The following KLHL6 variants were observed in gnomAD, a reference collection of about 807,000 sequenced individuals.
The protein encoded by KLHL6 is kelch like family member 6, also known as kelch-like protein 6.
Under a neutral mutation model 58.6 loss-of-function variants are expected in KLHL6, and 41 were observed. The ratio of observed to expected loss-of-function variants is 0.70; its 90% CI spans 0.55 to 0.91. The LOEUF (loss-of-function observed/expected upper bound fraction) is 0.91. Ranked by LOEUF, KLHL6 falls within the 40% of genes least tolerant of loss-of-function variation. The pLI is 0.00. For synonymous variants in KLHL6, 338 were observed against 322.7 expected (o/e 1.05, Z -0.51); for missense variants, 714 against 805.6 (o/e 0.89, Z 1.38).
At chr3:183,503,980 C>T (rs1425190411) in intron 3 of KLHL6, among the ~76,000 whole-genome samples, 1 of 152,068 alleles carries the variant, frequency 6.6e-6, no homozygotes, top group Non-Finnish European at 1.5e-5. Flanking sequence ...CAATGAGACC[C>T]CAATTAGGAG....
chr3:183,529,342 C>T (rs1388686603), intron 1 of KLHL6, among the ~76,000 whole-genome samples: 1 of 151,290 alleles, frequency 6.6e-6, no homozygotes. Flanking sequence ...TTTTTTACCC[C>T]ATGCCAGGCC....
chr3:183,539,714 AAAAAAAC>A (rs1712488829), intron 1 of KLHL6, among the ~76,000 whole-genome samples: 1 of 151,562 alleles, frequency 6.6e-6, no homozygotes, highest in Admixed American at 6.6e-5. Context: ...ATCTCAAAAA[AAAAAAAC>A]AAAAAAACAA....
At chr3:183,525,269 A>AACACACACACACACACACAC (rs1553811030) in intron 2 of KLHL6, among the ~76,000 whole-genome samples, 52 of 133,864 alleles carry the variant, frequency 3.9e-4, no homozygotes, top group African/African-American at 1.3e-3. Context: ...CTAAAAAAAA[A>AACACACACACACACACACAC]ACACACACAC....
intron 2 of KLHL6, among the ~76,000 whole-genome samples, chr3:183,512,248 G>A (rs571543446): frequency 7.2e-5 from 11 of 152,272 alleles, no homozygotes; most frequent in South Asian, 2.1e-4. Flanking sequence ...CAGCGTTTGC[G>A]TGAGGGGAAG....
At chr3:183,519,275 A>G (rs1433916504) in intron 2 of KLHL6, among the ~76,000 whole-genome samples, 2 of 152,164 alleles carry the variant, frequency 1.3e-5, no homozygotes, top group African/African-American at 4.8e-5. Context: ...ATGCAAAGTG[A>G]CCTGCAAGGA....
intron 1 of KLHL6, among the ~76,000 whole-genome samples, chr3:183,534,102 T>TTTAAAAGTACTTTACTTTTAAAGTACG (rs1712264121): frequency 7.1e-6 from 1 of 141,124 alleles, no homozygotes; most frequent in African/African-American, 2.8e-5. Flanking sequence ...TTTAAAGTAC[T>TTTAAAAGTACTTTACTTTTAAAGTACG]TTAAAAGTAC....
At chr3:183,531,565 G>C (rs911650090) in intron 1 of KLHL6, among the ~76,000 whole-genome samples, 1 of 145,914 alleles carries the variant, frequency 6.9e-6, no homozygotes, top group East Asian at 2.1e-4. Context: ...TTCTCCTCCA[G>C]CCTCCCAAGT....
At chr3:183,528,303 G>A (rs908256531) in intron 1 of KLHL6, among the ~76,000 whole-genome samples, 1 of 152,122 alleles carries the variant, frequency 6.6e-6, no homozygotes. Flanking sequence ...TTCATCTGAG[G>A]GCATTGTGGA....
At chr3:183,534,103 T>A (rs1712263743) in intron 1 of KLHL6, among the ~76,000 whole-genome samples, 1 of 139,636 alleles carries the variant, frequency 7.2e-6, no homozygotes. Flanking sequence ...TTAAAGTACT[T>A]TAAAAGTACT....
chr3:183,527,820 G>A (rs763081867), intron 2 of KLHL6, 25 bp downstream of exon 2: 4 of 1,612,054 alleles, frequency 2.5e-6, no homozygotes, highest in African/African-American at 1.3e-5. Flanking sequence ...TCAGAGAAGA[G>A]CACTGAGCCA....
chr3:183,540,527 C>A lies in KLHL6; in HGVS notation c.294-12517G>T, dbSNP rs1029576713. The stretch of plus-strand genomic sequence containing the variant: ...TACAATTGGACAAAAGAAATCCCAG[C>A]GATTCTCTGAATTGGAACTCCAGGC... On this transcript the variant is annotated intron_variant, in intron 1 of 6. Transcript: ENST00000341319. Among the ~76,000 whole-genome samples, 5 of 152,064 alleles carry A rather than the reference C, an allele frequency of 3.3e-5. No homozygotes were observed. In the East Asian group the frequency reaches 5.8e-4, roughly 18 times the overall value.
At chr3:183,546,074 T>G (rs551103109) in intron 1 of KLHL6, among the ~76,000 whole-genome samples, 215 of 152,350 alleles carry the variant, frequency 1.4e-3, no homozygotes, top group African/African-American at 5.0e-3. Flanking sequence ...GCTTGCATTT[T>G]CAACCTGCTT....
chr3:183,511,579 C>T (rs1381694041), intron 2 of KLHL6, among the ~76,000 whole-genome samples: 2 of 152,238 alleles, frequency 1.3e-5, no homozygotes, highest in African/African-American at 2.4e-5. Context: ...TGGGGAAAGA[C>T]CTTGGACAAT....
intron 3 of KLHL6, among the ~76,000 whole-genome samples, chr3:183,506,643 C>T (rs1420981434): frequency 2.0e-5 from 3 of 151,976 alleles, no homozygotes; most frequent in African/African-American, 4.8e-5. Flanking sequence ...GCCTGGGCAA[C>T]ATAGTGAGAC....
chr3:183,510,248 A>T (rs1455926416), intron 2 of KLHL6, among the ~76,000 whole-genome samples: 1 of 126,878 alleles, frequency 7.9e-6, no homozygotes, highest in African/African-American at 3.0e-5. Flanking sequence ...CTTGGTGCCC[A>T]TGGGTTGATC....
chr3:183,491,936 C>T lies in KLHL6; in HGVS notation c.1857G>A (p.Val619=), dbSNP rs1347071059. 6.7e-7 allele frequency: 1 copy of T among 1,493,784 alleles called. No individual in the cohort carries two copies. Among genetic ancestry groups the T allele is most frequent in the African/African-American group, 1.4e-5 (1 of 71,430 alleles). 92.5% of individuals were successfully genotyped at this position (1,493,784 alleles called of 1,614,324 possible). ...THIRRIVPGA[V]SV ...GCTCCCCATCCTGCCGTCAGACAGA[C>T]ACTGCTCCGGGCACGATCCTGCGGA... The change falls in exon 7 of 7, where the codon GTG becomes GTA. Residue 619 remains valine, a synonymous_variant. Coordinates refer to ENST00000341319, the MANE Select transcript of KLHL6 (RefSeq NM_130446.4).
intron 2 of KLHL6, among the ~76,000 whole-genome samples, chr3:183,512,782 G>C (rs4065336): frequency 0.51 from 77,571 of 151,624 alleles, 20,505 homozygotes; most frequent in Non-Finnish European, 0.58. Context: ...TGAGCCACCA[G>C]GCCGGGACTA....
rs1553813936 is a variant in KLHL6 at position 183,542,888 on chromosome 3, A to ATGGATGGG, written c.293+12472_293+12473insCCCATCCA. On this transcript the variant is annotated intron_variant, in intron 1 of 6. Transcript: ENST00000341319. ...GATGGATGGATGGATGGATGGATGGATGGATGGATGGATGGACAGATGGAT... is the reference window on the plus strand; with the variant it reads ...GATGGATGGATGGATGGATGGATGGATGGATGGGTGGATGGATGGATGGACAGATGGAT... Among the ~76,000 whole-genome samples the ATGGATGGG allele has an allele frequency of 1.8e-3, 264 of 147,034 alleles. 7 individuals are homozygous for ATGGATGGG. Among genetic ancestry groups the ATGGATGGG allele is most frequent in the African/African-American group, 3.8e-3 (140 of 36,662 alleles).
Position 183,551,590 on chromosome 3 carries a change from T to G in KLHL6, c.293+3771A>C, listed in dbSNP as rs79935056. The stretch of plus-strand genomic sequence containing the variant: ...AAACTCTTGTTGTGATAACATTATG[T>G]TGAAAGATTACAGGGAAGGAAAGCT... On this transcript the variant is annotated intron_variant, in intron 1 of 6. Coordinates refer to ENST00000341319, the MANE Select transcript of KLHL6 (RefSeq NM_130446.4). 1.6e-3 allele frequency among the ~76,000 whole-genome samples: 237 copies of G among 152,294 alleles called. 5 individuals are homozygous for G. In the East Asian group the frequency reaches 0.043, roughly 28 times the overall value.
Sources: allele counts gnomAD v4.1 joint callset (sites outside exome capture counted in the v4.1 genomes callset), GRCh38; gene constraint gnomAD v4.1.1; transcripts MANE v1.5; gene names NCBI Gene and HGNC (gene_info 2026-07-23, HGNC 2026-07-21).